The following CHD4 variants were observed in gnomAD, a reference collection of about 807,000 sequenced individuals.
CHD4 encodes chromodomain helicase DNA binding protein 4.
CHD4 carries 35 observed loss-of-function variants against 235.5 expected under a neutral mutation model. The ratio of observed to expected loss-of-function variants is 0.15; its 90% CI spans 0.11 to 0.20. The LOEUF is 0.20. Among genes scored for constraint, CHD4 ranks in the 10% least tolerant of loss-of-function variants. The pLI, the probability that CHD4 is intolerant of heterozygous loss-of-function variation, is 1.00. For missense variants in CHD4, 1,329 were observed against 2,432.3 expected (o/e 0.55, Z 9.54); for synonymous variants, 900 against 850.2 (o/e 1.06, Z -1.02).
chr12:6,590,223 A>C (rs569222794), intron 22 of CHD4: 4 of 152,308 alleles, frequency 2.6e-5, no homozygotes, highest in Admixed American at 6.5e-5. Context: ...TCTGTATCAT[A>C]TAAGAAAATA....
intron 37 of CHD4, among the ~76,000 whole-genome samples, chr12:6,577,093 C>T (rs1948084442): frequency 6.6e-6 from 1 of 152,156 alleles, no homozygotes; most frequent in Admixed American, 6.5e-5. Flanking sequence ...TGAGCCACCG[C>T]ACCTGGCCCA....
chr12:6,582,761 G>C lies in CHD4; in HGVS notation c.4237-13C>G, dbSNP rs17726105. The C allele has an allele frequency of 1.9e-6, 3 of 1,614,150 alleles. No homozygotes were observed. Among genetic ancestry groups the C allele is most frequent in the East Asian group, 4.5e-5 (2 of 44,878 alleles). ...TAAAACCAAGTACCTAGGGGAAGAA[G>C]AAACCCAGGTGAGAGGCAGCAGGTC... On this transcript the variant is annotated splice_polypyrimidine_tract_variant and intron_variant, in intron 28 of 39. Transcript: ENST00000544040.
intron 33 of CHD4, among the ~76,000 whole-genome samples, chr12:6,580,055 CAAAA>C (rs766330469): frequency 4.3e-5 from 3 of 69,024 alleles, no homozygotes; most frequent in Non-Finnish European, 3.0e-5. Flanking sequence ...GACTCCGTCT[CAAAA>C]AAAAAAAAAA....
At chr12:6,604,875 A>C (rs1455202220) in intron 2 of CHD4, among the ~76,000 whole-genome samples, 1 of 152,170 alleles carries the variant, frequency 6.6e-6, no homozygotes, top group Non-Finnish European at 1.5e-5. Context: ...GGCCAATGGG[A>C]GGCCAAGACG....
intron 25 of CHD4, chr12:6,586,841 G>C (rs1948305504): frequency 6.6e-6 from 1 of 152,670 alleles, no homozygotes; most frequent in East Asian, 1.9e-4. Flanking sequence ...GGGACTACAG[G>C]TGTGCTTCAT....
chr12:6,576,321 C>A (rs768873266), intron 37 of CHD4, among the ~76,000 whole-genome samples: 9 of 152,158 alleles, frequency 5.9e-5, no homozygotes, highest in Non-Finnish European at 1.2e-4. Context: ...CTTGCCACTG[C>A]ACTCCAGCCT....
chr12:6,584,346 G>T (rs1172179930), intron 25 of CHD4: 1 of 152,126 alleles, frequency 6.6e-6, no homozygotes. Context: ...CCCAAGAAGG[G>T]AACTAAATTG....
intron 14 of CHD4, 56 bp from the exon 15 acceptor site, chr12:6,594,706 A>C (rs1159370953): frequency 1.3e-6 from 2 of 1,501,662 alleles, no homozygotes; most frequent in Non-Finnish European, 1.8e-6. Flanking sequence ...TCCTCCCCTA[A>C]TAGAGCAGCT....
chr12:6,589,104 G>A lies in CHD4; in HGVS notation c.3341-682C>T, dbSNP rs1592271509. Among the ~76,000 whole-genome samples the A allele has an allele frequency of 3.3e-5, 5 of 152,164 alleles. No homozygotes were observed. The South Asian group carries it at 1.0e-3, about 32-fold the overall frequency. ...CTACTAAAAATACAAAATTAGCCAG[G>A]TGTGGTGGCAGGCACCTGTAATCCC... is the stretch of plus-strand genomic sequence containing the variant. On this transcript the variant is annotated intron_variant, in intron 22 of 39. Transcript: ENST00000544040.
Position 6,581,739 on chromosome 12 carries a change from A to T in CHD4, c.4591T>A (p.Ser1531Thr). ...TTTGGGGAGGGTGACCCTGGCTGGG[A>T]CATCTTCTTGTTTTCCTCCACCTCA... The part of the protein sequence containing the change: ...LAEVEENKKM[S>T]QPGSPSPKTP... Residue 1531 changes from serine (S) to threonine (T), a missense_variant, in exon 31 of 40, where the codon TCC (serine) becomes ACC (threonine). Around this residue, in one of 26 missense-constraint regions of CHD4, gnomAD observed 219 missense variants for 219.3 expected, o/e 1.00. Coordinates refer to ENST00000544040, the MANE Select transcript of CHD4 (RefSeq NM_001273.5). The T allele has an allele frequency of 6.2e-7, 1 of 1,601,994 alleles. No individual in the cohort carries two copies. Among genetic ancestry groups the T allele is most frequent in the Non-Finnish European group, 8.5e-7 (1 of 1,173,526 alleles).
At chr12:6,592,248 G>A (rs1948413878) in intron 19 of CHD4, 145 bp downstream of exon 19, 6 of 1,263,524 alleles carry the variant, frequency 4.7e-6, no homozygotes, top group South Asian at 4.4e-5. Flanking sequence ...AGAACTATGC[G>A]CTCCAGCGCC....
At chr12:6,589,539 C>T (rs1171774524) in intron 22 of CHD4, among the ~76,000 whole-genome samples, 3 of 152,004 alleles carry the variant, frequency 2.0e-5, no homozygotes, top group Admixed American at 6.6e-5. Flanking sequence ...GAAGCTGAGG[C>T]GGGTGGTTCA....
chr12:6,603,798 T>C (rs1247471370), intron 2 of CHD4, among the ~76,000 whole-genome samples: 1 of 152,150 alleles, frequency 6.6e-6, no homozygotes, highest in Non-Finnish European at 1.5e-5. Context: ...AAAGGCTCAG[T>C]GGACTTGTGG....
At position 6,593,063 on chromosome 12, in the gene CHD4, G is replaced by C. The variant is rs763640224; in HGVS notation, c.2652+28C>G. 1 of 1,610,220 alleles carries C rather than the reference G, an allele frequency of 6.2e-7. No individual in the cohort carries two copies. Among genetic ancestry groups the C allele is most frequent in the Admixed American group, 1.7e-5 (1 of 59,668 alleles). ...GTACTAGAAAAAACCCAAAGTGGGG[G>C]CTCCAACATCCCTCCCTCAGCCCTC... On this transcript the variant is annotated intron_variant, in intron 17 of 39. Transcript: ENST00000544040. This position sits in a 1 kb window ranked among gnomAD's most constrained non-coding sequence, Gnocchi z 4.9.
chr12:6,583,939 C>T (rs965197674), intron 25 of CHD4: 2 of 152,162 alleles, frequency 1.3e-5, no homozygotes, highest in Non-Finnish European at 2.9e-5. Context: ...CTCACTGATT[C>T]CACATCCCTT....
chr12:6,604,906 C>A (rs944887587), intron 2 of CHD4, among the ~76,000 whole-genome samples: 1 of 152,134 alleles, frequency 6.6e-6, no homozygotes, highest in Middle Eastern at 3.2e-3. Flanking sequence ...AATGTTTAGG[C>A]AGCACTACTG....
intron 37 of CHD4, among the ~76,000 whole-genome samples, chr12:6,577,430 A>AG (rs1318968738): frequency 6.7e-6 from 1 of 148,622 alleles, no homozygotes; most frequent in Non-Finnish European, 1.5e-5. Flanking sequence ...AAAAAAAAAA[A>AG]AAAAAAAAAC....
chr12:6,585,788 C>CAA (rs112684697), intron 25 of CHD4, among the ~76,000 whole-genome samples: 3 of 132,418 alleles, frequency 2.3e-5, no homozygotes, highest in Non-Finnish European at 3.3e-5. Flanking sequence ...GACTCTGTCT[C>CAA]AAAAAAAAAA....
In CHD4 at chr12:6,587,125, G is replaced by A. The variant is rs768174917; in HGVS notation, c.3879+259C>T. The A allele has an allele frequency of 2.7e-5, 13 of 473,720 alleles. No individual in the cohort carries two copies. The East Asian group carries it at 3.2e-4, about 12-fold the overall frequency. 29.3% of individuals were successfully genotyped at this position (473,720 alleles called of 1,614,324 possible). A position where few individuals can be genotyped will look rare whatever the true frequency, so the allele number is the denominator to read the frequency against. On this transcript the variant is annotated intron_variant, in intron 25 of 39. Coordinates refer to ENST00000544040, the MANE Select transcript of CHD4 (RefSeq NM_001273.5). ...TTTGTAAGGTTTAATAAAACACATA[G>A]GAGAAAATGACATTCTGGTAAAGAG...
Sources: gnomAD v4.1 joint callset for allele counts (sites outside exome capture counted in the v4.1 genomes callset) on GRCh38, gnomAD v4.1.1 for gene constraint, gnomAD v4.1.1 regional missense constraint, Gnocchi (gnomAD v3.1) non-coding constraint, MANE v1.5 for transcripts, NCBI Gene and HGNC (gene_info 2026-07-23, HGNC 2026-07-21) for gene names.